The following WDR46 variants were observed in gnomAD, a reference collection of about 807,000 sequenced individuals.
The protein encoded by WDR46 is WD repeat domain 46, also known as WD repeat-containing protein 46.
In WDR46, 58 loss-of-function variants were observed where a neutral mutation model predicts 74.7. That is an observed-to-expected ratio of 0.78 (90% CI 0.63 to 0.97). WDR46 has a LOEUF of 0.97. WDR46 is among the 50% of genes least tolerant of loss of function. The probability of loss-of-function intolerance (pLI) is 0.00; values close to 1 mark genes in which losing one functional copy is unlikely to be tolerated. For synonymous variants in WDR46, 278 were observed against 297.3 expected, an observed-to-expected ratio of 0.93 and a Z score of 0.67; for missense variants, 702 against 790.1, an observed-to-expected ratio of 0.89 and a Z score of 1.34.
chr6:33,287,868 A>T, intron 6 of WDR46, 97 bp downstream of exon 6: 1 of 1,534,914 alleles, frequency 6.5e-7, no homozygotes, highest in South Asian at 1.1e-5. Context: ...AAATCGAAGG[A>T]CCCTCCCCTC....
chr6:33,287,274 T>C, intron 8 of WDR46, 48 bp from the exon 9 acceptor site: 2 of 1,612,544 alleles, frequency 1.2e-6, no homozygotes, highest in Non-Finnish European at 1.7e-6. Flanking sequence ...TTGCCCTCTG[T>C]ATTCCCTCTG....
intron 6 of WDR46, 35 bp from the exon 7 acceptor site, chr6:33,287,753 C>T (rs1324273189): frequency 2.5e-6 from 4 of 1,609,130 alleles, no homozygotes; most frequent in Non-Finnish European, 3.4e-6. Context: ...GGTGTTAAGG[C>T]AGGGGACCAC....
chr6:33,287,291 T>A (rs1368683672), intron 8 of WDR46, 64 bp downstream of exon 8: 3 of 1,611,068 alleles, frequency 1.9e-6, no homozygotes, highest in Middle Eastern at 1.7e-4. Context: ...TCTGCTGGGG[T>A]CCTAAAGGAG....
intron 10 of WDR46, 101 bp from the exon 11 acceptor site, chr6:33,281,088 T>A: frequency 8.1e-7 from 1 of 1,231,788 alleles, no homozygotes; most frequent in Non-Finnish European, 1.1e-6. Flanking sequence ...AGAAAAAGAT[T>A]AATAGTAATA....
rs768377311 is a variant in WDR46 at position 33,289,139 on chromosome 6, A to C, written c.32T>G (p.Val11Gly). 1.9e-6 allele frequency: 3 copies of C among 1,610,492 alleles called. No homozygotes were observed. METAPKPGKD[V>G]PPKKDKLQTK... is the part of the protein sequence containing the mutation. ...CTGAAGTTTGTCTTTCTTGGGCGGG[A>C]CATCCTTGCCCGGCTTGGGGGCTGT... Residue 11 changes from valine to glycine, a missense_variant, in exon 1 of 15, where the codon GTC (valine) becomes GGC (glycine). Val to Gly is a moderately radical substitution (Grantham distance 109). Coordinates refer to ENST00000374617, the MANE Select transcript of WDR46 (RefSeq NM_005452.6).
Position 33,280,865 on chromosome 6 carries a change from C to A in WDR46, c.1238G>T (p.Gly413Val). The change falls in exon 11 of 15, where the codon GGA (glycine) becomes GTA (valine). Residue 413 changes from glycine (G) to valine (V), a missense_variant. Physicochemically the swap from Gly to Val is moderately radical, Grantham distance 109. Coordinates refer to ENST00000374617, the MANE Select transcript of WDR46 (RefSeq NM_005452.6). ...GTCACCCATTCCCGCCACCAGCAGT[C>A]CCCTCTGGGAGAAGGCCAGGTGCCC... The part of the protein sequence containing the change: ...GAGHLAFSQR[G>V]LLVAGMGDVV... 1 of 1,614,240 alleles carries A rather than the reference C, an allele frequency of 6.2e-7. No individual in the cohort carries two copies. The highest frequency in any genetic ancestry group is 8.5e-7 in the Non-Finnish European group (1 of 1,180,040).
At chr6:33,286,432 G>T (rs1766639021) in intron 10 of WDR46, among the ~76,000 whole-genome samples, 1 of 152,112 alleles carries the variant, frequency 6.6e-6, no homozygotes, top group African/African-American at 2.4e-5. Flanking sequence ...GGGTGTCAGA[G>T]CGAGACTCCA....
Position 33,287,394 on chromosome 6 carries a change from C to A in WDR46, c.840G>T (p.Arg280=). ...GGAAGTGGAAGGGCAGGAACTCAAGCCGTGTTACTCGGTCACAGCGGCGGA... is the reference window on the plus strand; with the variant it reads ...GGAAGTGGAAGGGCAGGAACTCAAGACGTGTTACTCGGTCACAGCGGCGGA... ...HCIRRCDRVT[R]LEFLPFHFLL... The change falls in exon 8 of 15, where the codon CGG becomes CGT. Residue 280 remains arginine, a synonymous_variant. Transcript: ENST00000374617. 1 of 1,612,208 alleles carries A rather than the reference C, an allele frequency of 6.2e-7. No individual in the cohort carries two copies. Among genetic ancestry groups the A allele is most frequent in the Non-Finnish European group, 8.5e-7 (1 of 1,179,766 alleles).
chr6:33,287,061 G>A, intron 9 of WDR46, 30 bp downstream of exon 9: 1 of 1,604,170 alleles, frequency 6.2e-7, no homozygotes, highest in Non-Finnish European at 8.5e-7. Context: ...AGTCAGGATG[G>A]TCAGAGTCAA....
At chr6:33,280,375 G>A (rs564841610) in intron 12 of WDR46, 53 bp downstream of exon 12, 4 of 1,535,496 alleles carry the variant, frequency 2.6e-6, no homozygotes, top group Non-Finnish European at 3.5e-6. Flanking sequence ...GGGGGAACCT[G>A]ACCCTCTCCA....
chr6:33,288,161 G>T lies in WDR46; in HGVS notation c.548C>A (p.Ala183Glu), dbSNP rs1361647229. 16 of 1,614,172 alleles carry T rather than the reference G, an allele frequency of 9.9e-6. No individual in the cohort carries two copies. Among genetic ancestry groups the T allele is most frequent in the Non-Finnish European group, 1.4e-5 (16 of 1,180,030 alleles). The change falls in exon 5 of 15, where the codon GCA (alanine) becomes GAA (glutamate). Residue 183 changes from alanine to glutamate, a missense_variant. Transcript: ENST00000374617. The part of the protein sequence containing the change: ...QADIVEAVDI[A>E]SAAKHFDLNL... ...CCTCAGGCTCACCTTGGCTGCACTTGCAATGTCCACAGCCTCCACAATGTC... is the reference window on the plus strand; with the variant it reads ...CCTCAGGCTCACCTTGGCTGCACTTTCAATGTCCACAGCCTCCACAATGTC...
Position 33,288,905 on chromosome 6 carries a change from T to G in WDR46, c.178A>C (p.Asn60His), listed in dbSNP as rs1395467919. The G allele has an allele frequency of 1.2e-6, 2 of 1,614,034 alleles. No individual in the cohort carries two copies. The highest frequency in any genetic ancestry group is 1.7e-6 in the Non-Finnish European group (2 of 1,180,006). The change falls in exon 2 of 15, where the codon AAT becomes CAT. Residue 60 changes from asparagine (N) to histidine (H), a missense_variant. Asn to His is a moderately conservative substitution (Grantham distance 68, BLOSUM62 1). Coordinates refer to ENST00000374617, the MANE Select transcript of WDR46 (RefSeq NM_005452.6). ...CGAGACTTCTTTAAGATGTAAGCAT[T>G]TTTTGGTCTCTGAGGACGGAGCTCC... The part of the protein sequence containing the change: ...NRELRPQRPK[N>H]AYILKKSRIS...
In WDR46 at chr6:33,279,200, C is replaced by T. The variant is rs1765889823; in HGVS notation, c.*76G>A. On this transcript the variant is annotated 3_prime_UTR_variant, in exon 15 of 15. Transcript: ENST00000374617. ...GAAGGGGCCACACTGCCCCCACCTC[C>T]TTGTTCCAGGGAACACTCATTTCCC... 5 of 1,586,950 alleles carry T rather than the reference C, an allele frequency of 3.2e-6. No homozygotes were observed. The South Asian group carries it at 5.6e-5, about 18-fold the overall frequency.
chr6:33,288,428 C>A lies in WDR46; in HGVS notation c.403G>T (p.Ala135Ser). 9 of 1,614,182 alleles carry A rather than the reference C, an allele frequency of 5.6e-6. No individual in the cohort carries two copies. Among genetic ancestry groups the A allele is most frequent in the Non-Finnish European group, 6.8e-6 (8 of 1,180,040 alleles). The change falls in exon 4 of 15, where the codon GCT becomes TCT. Residue 135 changes from alanine (A) to serine (S), a missense_variant. Ala to Ser is a moderately conservative substitution (Grantham distance 99). Transcript: ENST00000374617. Reference protein sequence around the residue: ...KAKTRSRLEVAEAEEEETSIK... With the variant: ...KAKTRSRLEVSEAEEEETSIK... The stretch of plus-strand genomic sequence containing the variant: ...CTTGTTTCCTCTTCCTCAGCTTCAG[C>A]CACCTCAAGTCGGCTTCGAGTTTTG...
At chr6:33,283,477 T>A (rs760221436) in intron 10 of WDR46, among the ~76,000 whole-genome samples, 4 of 151,886 alleles carry the variant, frequency 2.6e-5, no homozygotes, top group Non-Finnish European at 5.9e-5. Context: ...TGTACCTGAG[T>A]CAAATTCTGG....
chr6:33,279,324 G>C lies in WDR46; in HGVS notation c.1785C>G (p.Ala595=). ...LQQQHHKEAK[A]KPTGARPSAL... Reference sequence around the variant, plus strand: ...CAGATGGCCGGGCCCCCGTGGGCTTGGCCTTCGCCTCCTTATGATGCTGCT... The same window carrying C: ...CAGATGGCCGGGCCCCCGTGGGCTTCGCCTTCGCCTCCTTATGATGCTGCT... The change falls in exon 15 of 15, where the codon GCC becomes GCG. Residue 595 remains alanine (A), a synonymous_variant. Transcript: ENST00000374617. 2 of 1,614,232 alleles carry C rather than the reference G, an allele frequency of 1.2e-6. No individual in the cohort carries two copies. Among genetic ancestry groups the C allele is most frequent in the Non-Finnish European group, 1.7e-6 (2 of 1,180,050 alleles).
At chr6:33,280,129 C>T (rs1417526845) in intron 12 of WDR46, among the ~76,000 whole-genome samples, 1 of 150,172 alleles carries the variant, frequency 6.7e-6, no homozygotes, top group Admixed American at 6.6e-5. Flanking sequence ...GGAATTTCAC[C>T]CTCTCCAGCA....
chr6:33,283,257 G>C (rs949548857), intron 10 of WDR46, among the ~76,000 whole-genome samples: 1 of 152,012 alleles, frequency 6.6e-6, no homozygotes, highest in Non-Finnish European at 1.5e-5. Flanking sequence ...GTGGTGGGGG[G>C]GGTGGTCCCA....
intron 9 of WDR46, 67 bp from the exon 10 acceptor site, chr6:33,286,961 G>A (rs1280058538): frequency 1.8e-5 from 29 of 1,596,762 alleles, no homozygotes; most frequent in African/African-American, 2.7e-5. Context: ...ACATGGGAAA[G>A]ATGGGAACTC....
Sources: gnomAD v4.1 joint callset for allele counts (sites outside exome capture counted in the v4.1 genomes callset) on GRCh38, gnomAD v4.1.1 for gene constraint, MANE v1.5 for transcripts, NCBI Gene and HGNC (gene_info 2026-07-23, HGNC 2026-07-21) for gene names.